The following NPSR1 variants were observed in gnomAD, a reference collection of about 807,000 sequenced individuals.
The protein encoded by NPSR1 is neuropeptide S receptor 1, also known as neuropeptide S receptor.
A neutral mutation model predicts 46.9 loss-of-function variants in NPSR1; 48 were observed. That is an observed-to-expected ratio of 1.02 (90% CI 0.81 to 1.30). The LOEUF (loss-of-function observed/expected upper bound fraction) is 1.30, where lower values mean the gene tolerates loss of function less well. Among genes scored for constraint, NPSR1 ranks in the 50% most tolerant of loss-of-function variants. The pLI is 0.00. For synonymous variants in NPSR1, 176 were observed against 168.1 expected (o/e 1.05, Z -0.36); for missense variants, 450 against 449.5 (o/e 1.00, Z -0.01).
intron 4 of NPSR1, among the ~76,000 whole-genome samples, chr7:34,823,417 C>CAAAAAAAAAAAAAAAAA (rs79081202): frequency 2.8e-4 from 29 of 103,954 alleles, no homozygotes; most frequent in Admixed American, 2.2e-3. Flanking sequence ...AAAAAAAAAA[C>CAAAAAAAAAAAAAAAAA]AACACCATAA....
chr7:34,769,875 GTGATTA>G (rs768415866), intron 2 of NPSR1, among the ~76,000 whole-genome samples: 3 of 152,214 alleles, frequency 2.0e-5, no homozygotes, highest in Admixed American at 1.3e-4. Flanking sequence ...ATACATGGAG[GTGATTA>G]AGCCTTTAAA....
At chr7:34,742,609 A>T (rs1214398143) in intron 2 of NPSR1, among the ~76,000 whole-genome samples, 1 of 152,190 alleles carries the variant, frequency 6.6e-6, no homozygotes, top group African/African-American at 2.4e-5. Flanking sequence ...TGCTCTTGTG[A>T]ATAGTACTGC....
chr7:34,744,736 ATCCTAAAGCTATGACATTGT>A (rs1010054441), intron 2 of NPSR1, among the ~76,000 whole-genome samples: 5 of 152,196 alleles, frequency 3.3e-5, no homozygotes, highest in Non-Finnish European at 5.9e-5. Flanking sequence ...CCAGTTCCCC[ATCCTAAAGCTATGACATTGT>A]TTGACAAGGG....
intron 7 of NPSR1, chr7:34,845,446 CT>C: frequency 5.3e-6 from 2 of 380,388 alleles, no homozygotes; most frequent in South Asian, 2.0e-5. Flanking sequence ...CTGCCCTTTC[CT>C]TTTCCTTTCT....
chr7:34,825,674 G>T (rs75529281), intron 4 of NPSR1, among the ~76,000 whole-genome samples: 4,116 of 152,238 alleles, frequency 0.027, 92 homozygotes, highest in Non-Finnish European at 0.043. Flanking sequence ...GACCCCACAG[G>T]ATAATTTCCA....
chr7:34,700,248 T>A (rs1793752278), intron 2 of NPSR1, among the ~76,000 whole-genome samples: 1 of 151,900 alleles, frequency 6.6e-6, no homozygotes, highest in African/African-American at 2.4e-5. Context: ...AGGAAGGATA[T>A]GTTTAGAAAG....
chr7:34,742,699 GGGTCAAAT>G (rs1161804327), intron 2 of NPSR1, among the ~76,000 whole-genome samples: 1 of 152,160 alleles, frequency 6.6e-6, no homozygotes, highest in African/African-American at 2.4e-5. Context: ...TGGAAATGCT[GGGTCAAAT>G]GGTAGCCCTG....
downstream of NPSR1, among the ~76,000 whole-genome samples, chr7:34,851,517 GC>G (rs1790934752): frequency 6.6e-6 from 1 of 152,122 alleles, no homozygotes; most frequent in African/African-American, 2.4e-5. Flanking sequence ...AACCCTGGAA[GC>G]TTTGAGCATT....
chr7:34,788,270 A>C (rs1463297173), intron 3 of NPSR1, among the ~76,000 whole-genome samples: 1 of 152,058 alleles, frequency 6.6e-6, no homozygotes, highest in African/African-American at 2.4e-5. Context: ...TAGATACATG[A>C]AAGATAAAAA....
At chr7:34,820,737 G>A (rs1179926996) in intron 4 of NPSR1, among the ~76,000 whole-genome samples, 2 of 152,008 alleles carry the variant, frequency 1.3e-5, no homozygotes, top group East Asian at 3.8e-4. Context: ...GGATGGGGTG[G>A]GCGAAGCTTC....
intron 2 of NPSR1, among the ~76,000 whole-genome samples, chr7:34,752,299 G>A (rs1174749262): frequency 6.6e-6 from 1 of 152,078 alleles, no homozygotes; most frequent in Non-Finnish European, 1.5e-5. Flanking sequence ...GTGCTGGGGG[G>A]ATTACCCTTA....
intron 4 of NPSR1, among the ~76,000 whole-genome samples, chr7:34,813,192 A>T (rs758509141): frequency 1.3e-5 from 2 of 152,140 alleles, no homozygotes; most frequent in Non-Finnish European, 2.9e-5. Flanking sequence ...TCAGTGGAGG[A>T]ATGGCTAACT....
chr7:34,727,880 C>G (rs324380), intron 2 of NPSR1, among the ~76,000 whole-genome samples: 1 of 151,760 alleles, frequency 6.6e-6, no homozygotes, highest in East Asian at 1.9e-4. Flanking sequence ...TCCCAAAGAT[C>G]GTTATTGAAA....
At chr7:34,705,681 GATATTA>G (rs1357507561) in intron 2 of NPSR1, among the ~76,000 whole-genome samples, 2 of 151,778 alleles carry the variant, frequency 1.3e-5, no homozygotes, top group Admixed American at 6.6e-5. Context: ...TTGCTAATGT[GATATTA>G]ATATTATGTT....
intron 8 of NPSR1, among the ~76,000 whole-genome samples, chr7:34,855,372 AAAAG>A (rs1174634830): frequency 2.0e-5 from 3 of 152,124 alleles, no homozygotes; most frequent in Non-Finnish European, 4.4e-5. Context: ...CAAAGGAAGA[AAAAG>A]AGAGAAGGCA....
chr7:34,790,661 TAA>T (rs1222187612), intron 3 of NPSR1, among the ~76,000 whole-genome samples: 2 of 141,096 alleles, frequency 1.4e-5, no homozygotes, highest in Non-Finnish European at 3.1e-5. Flanking sequence ...TATTATGTTA[TAA>T]ATATATGTTA....
intron 6 of NPSR1, among the ~76,000 whole-genome samples, chr7:34,837,059 G>A (rs1182718785): frequency 1.3e-5 from 2 of 152,184 alleles, no homozygotes; most frequent in Non-Finnish European, 2.9e-5. Context: ...GAGAGAGAGG[G>A]AGATGGAAAA....
intron 6 of NPSR1, among the ~76,000 whole-genome samples, chr7:34,843,662 T>TAC: frequency 6.6e-6 from 1 of 152,248 alleles, no homozygotes; most frequent in South Asian, 2.1e-4. Flanking sequence ...AGATGTGCTA[T>TAC]ACTTGTGGGG....
At chr7:34,821,251 C>T (rs1195217914) in intron 4 of NPSR1, among the ~76,000 whole-genome samples, 2 of 151,150 alleles carry the variant, frequency 1.3e-5, no homozygotes, top group Non-Finnish European at 2.9e-5. Flanking sequence ...TCTTGTGCCT[C>T]AGCCTCCCGA....
Sources: gnomAD v4.1 joint callset for allele counts (sites outside exome capture counted in the v4.1 genomes callset) on GRCh38, gnomAD v4.1.1 for gene constraint, MANE v1.5 for transcripts, NCBI Gene and HGNC (gene_info 2026-07-23, HGNC 2026-07-21) for gene names.